DROSHA: variants seen among roughly 807,000 people sequenced by gnomAD.
DROSHA encodes the protein ribonuclease 3.
DROSHA carries 56 observed loss-of-function variants against 181.9 expected under a neutral mutation model. The observed-to-expected ratio is 0.31, with a 90% CI of 0.25 to 0.38. The LOEUF (loss-of-function observed/expected upper bound fraction) is 0.38. DROSHA is among the 10% of genes least tolerant of loss of function. DROSHA has a pLI of 1.00. For missense variants in DROSHA, 1,218 were observed against 1,743.5 expected, an observed-to-expected ratio of 0.70 and a Z score of 5.37; for synonymous variants, 524 against 591.2, an observed-to-expected ratio of 0.89 and a Z score of 1.65.
Position 31,429,562 on chromosome 5 carries a change from G to A in DROSHA, c.3146-17C>T. 6.2e-7 allele frequency: 1 copy of A among 1,607,036 alleles called. No individual in the cohort carries two copies. Among genetic ancestry groups the A allele is most frequent in the Non-Finnish European group, 8.5e-7 (1 of 1,176,240 alleles). On this transcript the variant is annotated splice_polypyrimidine_tract_variant and intron_variant, in intron 26 of 35. Transcript: ENST00000344624. The stretch of plus-strand genomic sequence containing the variant: ...AAACAGCTCCTAGATGAAAAACAGA[G>A]AATGCCAAAAGAGAGTCTCCATCAA...
At chr5:31,479,254 A>G (rs1224561130) in intron 16 of DROSHA, among the ~76,000 whole-genome samples, 2 of 152,254 alleles carry the variant, frequency 1.3e-5, no homozygotes, top group Admixed American at 1.3e-4. Flanking sequence ...ACCCATTTTC[A>G]CATGTTCAGA....
intron 21 of DROSHA, among the ~76,000 whole-genome samples, chr5:31,450,635 C>T (rs1387757940): frequency 6.6e-6 from 1 of 151,948 alleles, no homozygotes; most frequent in Non-Finnish European, 1.5e-5. Context: ...CTATGGGTAC[C>T]CAGGGGCATA....
chr5:31,441,741 G>C (rs1745623154), intron 23 of DROSHA, among the ~76,000 whole-genome samples: 1 of 152,104 alleles, frequency 6.6e-6, no homozygotes, highest in African/African-American at 2.4e-5. Flanking sequence ...CTGCTGTCCT[G>C]GTAAGGATAG....
chr5:31,457,546 G>A (rs475682), intron 20 of DROSHA, among the ~76,000 whole-genome samples: 13,131 of 151,980 alleles, frequency 0.086, 995 homozygotes, highest in East Asian at 0.22. Flanking sequence ...AAATCTGATT[G>A]CAGAGTCATG....
chr5:31,509,816 T>A (rs1274006194), intron 9 of DROSHA, among the ~76,000 whole-genome samples: 3 of 152,114 alleles, frequency 2.0e-5, no homozygotes, highest in Admixed American at 2.0e-4. Flanking sequence ...TCCACATATA[T>A]GAGATGCCTG....
At chr5:31,417,579 CA>C (rs1214035449) in intron 30 of DROSHA, among the ~76,000 whole-genome samples, 1 of 151,690 alleles carries the variant, frequency 6.6e-6, no homozygotes, top group Non-Finnish European at 1.5e-5. Context: ...AACAAATGTA[CA>C]AGAAAAAGGA....
chr5:31,439,909 A>G (rs1400379359), intron 23 of DROSHA, among the ~76,000 whole-genome samples: 1 of 152,210 alleles, frequency 6.6e-6, no homozygotes, highest in Non-Finnish European at 1.5e-5. Context: ...AGGCTTGGGC[A>G]TGAGCAGAAG....
At position 31,435,755 on chromosome 5, in the gene DROSHA, T is replaced by C. The variant is rs1274195411; in HGVS notation, c.3042+10A>G. ...GACGTAACTACAAATGCTGCAGATG[T>C]CTTCTATACCTTTGCTAGCATGGCA... On this transcript the variant is annotated intron_variant, in intron 25 of 35. Coordinates refer to ENST00000344624, the MANE Select transcript of DROSHA (RefSeq NM_001382508.1). The C allele has an allele frequency of 1.2e-5, 19 of 1,610,448 alleles. No individual in the cohort carries two copies. Among genetic ancestry groups the C allele is most frequent in the Non-Finnish European group, 1.6e-5 (19 of 1,178,718 alleles).
chr5:31,492,578 G>C (rs1752544207), intron 13 of DROSHA, among the ~76,000 whole-genome samples: 1 of 152,198 alleles, frequency 6.6e-6, no homozygotes, highest in African/African-American at 2.4e-5. Context: ...GCCACTGCCA[G>C]CCAATTCACT....
Position 31,448,631 on chromosome 5 carries a change from C to T in DROSHA, c.2822-24G>A, listed in dbSNP as rs1467877434. ...CCCTATTTAAAATAAAAAACAAATACACAAGTAAATACGGATAGAAGAATT... is the reference window on the plus strand; with the variant it reads ...CCCTATTTAAAATAAAAAACAAATATACAAGTAAATACGGATAGAAGAATT... On this transcript the variant is annotated intron_variant, in intron 22 of 35. Coordinates refer to ENST00000344624, the MANE Select transcript of DROSHA (RefSeq NM_001382508.1). 3.8e-6 allele frequency: 6 copies of T among 1,573,800 alleles called. No homozygotes were observed. In the African/African-American group the frequency reaches 6.8e-5, roughly 18 times the overall value.
intron 27 of DROSHA, among the ~76,000 whole-genome samples, chr5:31,425,619 C>T (rs563633262): frequency 6.6e-6 from 1 of 152,258 alleles, no homozygotes; most frequent in African/African-American, 2.4e-5. Context: ...GTTTGGATTA[C>T]TCATTCACTT....
Position 31,435,863 on chromosome 5 carries a change from C to T in DROSHA, c.2944G>A (p.Val982Ile), listed in dbSNP as rs777416100. The T allele has an allele frequency of 1.1e-5, 18 of 1,603,832 alleles. 1 individual carries two copies. Among genetic ancestry groups the T allele is most frequent in the Admixed American group, 3.5e-5 (2 of 57,880 alleles). Reference protein sequence around the residue: ...GDAVVEFLTSVHLYYLFPSLE... With the variant: ...GDAVVEFLTSIHLYYLFPSLE... ...CTAGGAAACAAATAGTACAAATGGA[C>T]GCTACAAAAAAAAAAAGAAGTACAT... is the stretch of plus-strand genomic sequence containing the variant. Residue 982 changes from valine (V) to isoleucine (I), a missense_variant and splice_region_variant, in exon 25 of 36, where the codon GTC becomes ATC. By Grantham distance (29) the Val-to-Ile change is conservative. Transcript: ENST00000344624.
At chr5:31,418,265 G>A (rs1183321767) in intron 30 of DROSHA, among the ~76,000 whole-genome samples, 1 of 151,888 alleles carries the variant, frequency 6.6e-6, no homozygotes, top group African/African-American at 2.4e-5. Context: ...GAGAGAGGGA[G>A]ACAGAGAGAG....
Position 31,532,066 on chromosome 5 carries a change from A to G in DROSHA, c.-326T>C, listed in dbSNP as rs981420915. ...CTACCGCAGGTACCAAGACAGTGGC[A>G]CCGCCCGCGCCTCCGGAACAGGAAA... is the stretch of plus-strand genomic sequence containing the variant. On this transcript the variant is annotated 5_prime_UTR_variant, in exon 1 of 36. Coordinates refer to ENST00000344624, the MANE Select transcript of DROSHA (RefSeq NM_001382508.1). 2 of 387,732 alleles carry G rather than the reference A, an allele frequency of 5.2e-6. No individual in the cohort carries two copies. The highest frequency in any genetic ancestry group is 9.4e-6 in the Non-Finnish European group (2 of 212,002). 24.0% of individuals were successfully genotyped at this position (387,732 alleles called of 1,614,324 possible).
intron 22 of DROSHA, 127 bp downstream of exon 22, chr5:31,449,150 GAGTC>G (rs1746668296): frequency 3.8e-6 from 4 of 1,041,000 alleles, no homozygotes; most frequent in South Asian, 2.1e-5. Flanking sequence ...AAAAAAAAAA[GAGTC>G]AGTAAGCACT....
At chr5:31,516,493 A>C (rs1346310833) in intron 6 of DROSHA, among the ~76,000 whole-genome samples, 2 of 152,232 alleles carry the variant, frequency 1.3e-5, no homozygotes, top group Non-Finnish European at 2.9e-5. Context: ...TAACAGGGAA[A>C]GTCTGTATGT....
chr5:31,449,166 G>C, intron 22 of DROSHA, 115 bp downstream of exon 22: 1 of 1,314,654 alleles, frequency 7.6e-7, no homozygotes, highest in Non-Finnish European at 1.0e-6. Context: ...GTAAGCACTA[G>C]AATATGAGAC....
intron 30 of DROSHA, among the ~76,000 whole-genome samples, chr5:31,413,588 C>T (rs1259101135): frequency 6.6e-6 from 1 of 152,230 alleles, no homozygotes; most frequent in Non-Finnish European, 1.5e-5. Context: ...TGCCAGGCCC[C>T]GTGCTGACAG....
chr5:31,451,721 C>A, intron 20 of DROSHA, 81 bp from the exon 21 acceptor site: 1 of 1,125,912 alleles, frequency 8.9e-7, no homozygotes, highest in South Asian at 1.4e-5. Context: ...AAGCCAGAAC[C>A]ATTTTCACAT....
Sources: gnomAD v4.1 joint callset for allele counts (sites outside exome capture counted in the v4.1 genomes callset) on GRCh38, gnomAD v4.1.1 for gene constraint, MANE v1.5 for transcripts, NCBI Gene and HGNC (gene_info 2026-07-23, HGNC 2026-07-21) for gene names.